DENND5B: variants seen among roughly 807,000 people sequenced by gnomAD.
The protein encoded by DENND5B is DENN domain containing 5B.
Under a neutral mutation model 140.6 loss-of-function variants are expected in DENND5B, and 34 were observed. That is an observed-to-expected ratio of 0.24 (90% CI 0.18 to 0.32). DENND5B has a LOEUF of 0.32. Ranked by LOEUF, DENND5B falls within the 10% of genes least tolerant of loss-of-function variation. The pLI is 1.00. For synonymous variants in DENND5B, 551 were observed against 562.1 expected, an observed-to-expected ratio of 0.98 and a Z score of 0.28; for missense variants, 1,142 against 1,560.2, an observed-to-expected ratio of 0.73 and a Z score of 4.52.
chr12:31,494,138 TTCTA>T (rs58109707), intron 2 of DENND5B, among the ~76,000 whole-genome samples: 11,730 of 139,596 alleles, frequency 0.084, 756 homozygotes, highest in South Asian at 0.13. Context: ...TCTCTCTATC[TTCTA>T]TCTATCTATC....
rs1172453349 is a variant in DENND5B at position 31,566,293 on chromosome 12, T to C, written c.127+24413A>G. Among the ~76,000 whole-genome samples the C allele has an allele frequency of 2.7e-5, 4 of 150,652 alleles. No homozygotes were observed. The South Asian group carries it at 8.3e-4, about 31-fold the overall frequency. On this transcript the variant is annotated intron_variant, in intron 1 of 20. Transcript: ENST00000389082. ...TGTAATCACATCTGTGAATAGCTACTGCATTCCGGCCAGGGAAACATAGTG... is the reference window on the plus strand; with the variant it reads ...TGTAATCACATCTGTGAATAGCTACCGCATTCCGGCCAGGGAAACATAGTG...
intron 1 of DENND5B, among the ~76,000 whole-genome samples, chr12:31,579,755 G>GAGGGAGGA (rs1228162119): frequency 7.1e-6 from 1 of 140,680 alleles, no homozygotes; most frequent in South Asian, 2.3e-4. Context: ...GGAAGGGAGA[G>GAGGGAGGA]AGGGAGGAAG....
At chr12:31,548,391 C>CA (rs1257821141) in intron 1 of DENND5B, among the ~76,000 whole-genome samples, 100 of 99,272 alleles carry the variant, frequency 1.0e-3, no homozygotes, top group East Asian at 2.9e-3. Context: ...TCTCAAAAAA[C>CA]AAAAAAAAAA....
chr12:31,538,983 T>C (rs369314547), intron 1 of DENND5B, among the ~76,000 whole-genome samples: 1 of 94,696 alleles, frequency 1.1e-5, no homozygotes, highest in African/African-American at 4.0e-5. Context: ...AAAAAAAAAA[T>C]TGACAAACTG....
At chr12:31,549,138 G>A (rs2139226498) in intron 1 of DENND5B, among the ~76,000 whole-genome samples, 1 of 152,242 alleles carries the variant, frequency 6.6e-6, no homozygotes, top group East Asian at 1.9e-4. Flanking sequence ...GGCTTCAGGT[G>A]ATCCTTCCGA....
chr12:31,479,502 G>T, intron 3 of DENND5B, 87 bp downstream of exon 3: 1 of 1,226,222 alleles, frequency 8.2e-7, no homozygotes, highest in Non-Finnish European at 1.1e-6. Flanking sequence ...ATCATTATTC[G>T]GTTCTAATAA....
intron 3 of DENND5B, among the ~76,000 whole-genome samples, chr12:31,469,981 G>C (rs189704186): frequency 6.6e-6 from 1 of 151,882 alleles, no homozygotes; most frequent in Admixed American, 6.6e-5. Context: ...ACAGGGTCTC[G>C]CTCTGTCACG....
intron 10 of DENND5B, 93 bp from the exon 11 acceptor site, chr12:31,423,768 G>C: frequency 7.8e-7 from 1 of 1,284,288 alleles, no homozygotes; most frequent in Non-Finnish European, 1.1e-6. Flanking sequence ...TAGCCATTTA[G>C]AAGTCTGGTG....
At chr12:31,437,291 C>T (rs71455666) in intron 7 of DENND5B, among the ~76,000 whole-genome samples, 13,672 of 152,026 alleles carry the variant, frequency 0.09, 867 homozygotes, top group Non-Finnish European at 0.14. Flanking sequence ...TACAGGCACC[C>T]GCCAGGCTAA....
intron 1 of DENND5B, among the ~76,000 whole-genome samples, chr12:31,537,581 A>G (rs776628420): frequency 3.3e-5 from 5 of 152,202 alleles, no homozygotes; most frequent in Non-Finnish European, 7.3e-5. Context: ...AAACAACCAG[A>G]AAATAAGTAA....
chr12:31,440,315 G>A (rs909110180), intron 7 of DENND5B, among the ~76,000 whole-genome samples: 3 of 152,118 alleles, frequency 2.0e-5, no homozygotes, highest in Non-Finnish European at 4.4e-5. Context: ...CTCCCAGTAG[G>A]TAGTACTGGG....
intron 1 of DENND5B, among the ~76,000 whole-genome samples, chr12:31,589,484 G>C (rs1950523507): frequency 1.3e-5 from 2 of 151,676 alleles, no homozygotes; most frequent in East Asian, 1.9e-4. Flanking sequence ...GTTTTGCTCT[G>C]AAGCTGAGTT....
chr12:31,530,530 A>G (rs1948245938), intron 1 of DENND5B, among the ~76,000 whole-genome samples: 1 of 152,242 alleles, frequency 6.6e-6, no homozygotes, highest in African/African-American at 2.4e-5. Context: ...ATTCCAACAT[A>G]GTTTAAAACT....
Position 31,387,677 on chromosome 12 carries a change from T to C in DENND5B, c.3751A>G (p.Ile1251Val), listed in dbSNP as rs1275320996. Residue 1251 changes from isoleucine to valine, a missense_variant, in exon 21 of 21, where the codon ATC (isoleucine) becomes GTC (valine). By Grantham distance (29) the Ile-to-Val change is conservative. Around this residue, in one of 5 missense-constraint regions of DENND5B, gnomAD observed 125 missense variants for 179.0 expected, o/e 0.70. Transcript: ENST00000389082. ...TCCTGAATGGTCTGCAGAATTCGGA[T>C]AAGGGAGTTGACAGTCATGCGGTCT... ...LRDRMTVNSL[I>V]RILQTIQDFT... 3 of 1,614,066 alleles carry C rather than the reference T, an allele frequency of 1.9e-6. No individual in the cohort carries two copies. The highest frequency in any genetic ancestry group is 2.5e-6 in the Non-Finnish European group (3 of 1,179,904).
intron 1 of DENND5B, among the ~76,000 whole-genome samples, chr12:31,566,194 C>T (rs1452654483): frequency 6.6e-6 from 1 of 152,042 alleles, no homozygotes; most frequent in Non-Finnish European, 1.5e-5. Context: ...GTGGTGCACA[C>T]CTGTAGTTCC....
chr12:31,462,608 A>G (rs1945071546), intron 3 of DENND5B, among the ~76,000 whole-genome samples: 1 of 152,158 alleles, frequency 6.6e-6, no homozygotes, highest in South Asian at 2.1e-4. Flanking sequence ...ATTTACTGAT[A>G]ACTACTAAAT....
At chr12:31,547,494 G>A (rs1948902180) in intron 1 of DENND5B, among the ~76,000 whole-genome samples, 1 of 151,978 alleles carries the variant, frequency 6.6e-6, no homozygotes, top group South Asian at 2.1e-4. Context: ...TGCCTCCTGG[G>A]TTCAAGCGAT....
intron 1 of DENND5B, among the ~76,000 whole-genome samples, chr12:31,509,165 C>T (rs1947314140): frequency 6.6e-6 from 1 of 152,146 alleles, no homozygotes. Flanking sequence ...ATGACTTTTA[C>T]TATCCACCAA....
At chr12:31,421,717 T>G (rs1943033595) in intron 11 of DENND5B, among the ~76,000 whole-genome samples, 1 of 151,886 alleles carries the variant, frequency 6.6e-6, no homozygotes, top group African/African-American at 2.4e-5. Flanking sequence ...GCCCGGCTAA[T>G]TTTTTTTAAT....
Sources: gnomAD v4.1 joint callset for allele counts (sites outside exome capture counted in the v4.1 genomes callset) on GRCh38, gnomAD v4.1.1 for gene constraint, gnomAD v4.1.1 regional missense constraint, MANE v1.5 for transcripts, NCBI Gene and HGNC (gene_info 2026-07-23, HGNC 2026-07-21) for gene names.